Variants in ADAM11 observed in about 807,000 individuals in gnomAD.
ADAM11 encodes the protein ADAM metallopeptidase domain 11.
Under a neutral mutation model 119.1 loss-of-function variants are expected in ADAM11, and 49 were observed. The ratio of observed to expected loss-of-function variants is 0.41; its 90% confidence interval spans 0.33 to 0.52. ADAM11 has a LOEUF of 0.52. ADAM11 is among the 20% of genes least tolerant of loss of function. The pLI is 0.20. For synonymous variants in ADAM11, 364 were observed against 408.0 expected (o/e 0.89, Z 1.30); for missense variants, 777 against 1,047.5 (o/e 0.74, Z 3.56).
rs1039922664 is a variant in ADAM11, at chr17:44,777,514, A to G, written c.1814A>G (p.Asn605Ser). 2 of 1,614,188 alleles carry G rather than the reference A, an allele frequency of 1.2e-6. No individual in the cohort carries two copies. Among genetic ancestry groups the G allele is most frequent in the Non-Finnish European group, 1.7e-6 (2 of 1,180,034 alleles). ...DVLCGFLLCV[N>S]ISGAPRLGDL... ...CTGTGTGGCTTCCTCCTCTGTGTCA[A>G]CATCTCTGGAGCTCCTCGGCTAGGG... The change falls in exon 22 of 27, where the codon AAC becomes AGC. Residue 605 changes from asparagine to serine, a missense_variant. Coordinates refer to ENST00000200557, the MANE Select transcript of ADAM11 (RefSeq NM_002390.6). This position sits in a 1 kb window ranked among gnomAD's most constrained non-coding sequence, Gnocchi z 5.1.
At chr17:44,779,105 GAC>G in intron 25 of ADAM11, 115 bp from the exon 26 acceptor site, 1 of 1,368,148 alleles carries the variant, frequency 7.3e-7, no homozygotes, top group Non-Finnish European at 9.9e-7. Flanking sequence ...AGGCCCCGGG[GAC>G]CCCGGCCCCG....
Position 44,775,679 on chromosome 17 carries a change from A to G in ADAM11, c.1485+3A>G. The G allele has an allele frequency of 6.3e-7, 1 of 1,577,734 alleles. No individual in the cohort carries two copies. The highest frequency in any genetic ancestry group is 8.6e-7 in the Non-Finnish European group (1 of 1,164,154). ...GGCTCTGCTGTCGCCGCTGCAAGGTAAGCAGGACCGGCCGGGAGGCGGGGC... is the reference window on the plus strand; with the variant it reads ...GGCTCTGCTGTCGCCGCTGCAAGGTGAGCAGGACCGGCCGGGAGGCGGGGC... On this transcript the variant is annotated splice_donor_region_variant and intron_variant, in intron 17 of 26. Coordinates refer to ENST00000200557, the MANE Select transcript of ADAM11 (RefSeq NM_002390.6). The surrounding 1 kb of genome is among the most constrained non-coding windows in gnomAD (Gnocchi z 7.5).
In ADAM11 at chr17:44,779,927, A is replaced by G. The variant is rs1272548485; in HGVS notation, c.*173A>G. ...GGGCTGTGGCCCTGCCCTTGGCACC[A>G]CCAGGGTGGACCAGGCCTGGAGGGC... On this transcript the variant is annotated 3_prime_UTR_variant, in exon 27 of 27. Coordinates refer to ENST00000200557, the MANE Select transcript of ADAM11 (RefSeq NM_002390.6). 14 of 908,572 alleles carry G rather than the reference A, an allele frequency of 1.5e-5. No homozygotes were observed. Among genetic ancestry groups the G allele is most frequent in the Non-Finnish European group, 2.1e-5 (12 of 573,430 alleles). The allele number at this position is 908,572 out of a possible 1,614,324, so 56.3% of individuals were successfully genotyped here. A position where few individuals can be genotyped will look rare whatever the true frequency, so the allele number is the denominator to read the frequency against.
chr17:44,775,512 G>A lies in ADAM11; in HGVS notation c.1392+47G>A. 8 of 1,581,398 alleles carry A rather than the reference G, an allele frequency of 5.1e-6. No individual in the cohort carries two copies. Among genetic ancestry groups the A allele is most frequent in the Non-Finnish European group, 6.9e-6 (8 of 1,167,380 alleles). On this transcript the variant is annotated intron_variant, in intron 16 of 26. Coordinates refer to ENST00000200557, the MANE Select transcript of ADAM11 (RefSeq NM_002390.6). This position sits in a 1 kb window ranked among gnomAD's most constrained non-coding sequence, Gnocchi z 7.5. ...AGGTGGGGAACCGGGATGCGGGGGT[G>A]GGCACGAGGGAGCGTCTGAGTGGGA...
At chr17:44,769,913 C>T (rs2145219823) in intron 3 of ADAM11, 69 bp from the exon 4 acceptor site, 5 of 1,607,818 alleles carry the variant, frequency 3.1e-6, no homozygotes, top group South Asian at 1.1e-5. Context: ...GGGTCCTGAC[C>T]TGAGGCGAGC....
At position 44,776,600 on chromosome 17, in the gene ADAM11, G is replaced by A. The variant is rs1023380066; in HGVS notation, c.1567-145G>A. 8.4e-6 allele frequency: 9 copies of A among 1,067,478 alleles called. No homozygotes were observed. Among genetic ancestry groups the A allele is most frequent in the Non-Finnish European group, 1.2e-5 (9 of 749,668 alleles). 66.1% of individuals were successfully genotyped at this position (1,067,478 alleles called of 1,614,324 possible). A position where few individuals can be genotyped will look rare whatever the true frequency, so the allele number is the denominator to read the frequency against. On this transcript the variant is annotated intron_variant, in intron 18 of 26. Transcript: ENST00000200557. The surrounding 1 kb of genome is among the most constrained non-coding windows in gnomAD (Gnocchi z 5.2). ...TCCGTGTGGTCTGGGTCCAGAACCA[G>A]ACAGATCGCTTGTCCTAGGCGTGGA...
rs1464486599 is a variant in ADAM11, at chr17:44,776,297, C to T, written c.1566+90C>T. 2.2e-6 allele frequency: 3 copies of T among 1,376,272 alleles called. No individual in the cohort carries two copies. Among genetic ancestry groups the T allele is most frequent in the African/African-American group, 1.4e-5 (1 of 70,214 alleles). 85.3% of individuals were successfully genotyped at this position (1,376,272 alleles called of 1,614,324 possible). A position where few individuals can be genotyped will look rare whatever the true frequency, so the allele number is the denominator to read the frequency against. On this transcript the variant is annotated intron_variant, in intron 18 of 26. Coordinates refer to ENST00000200557, the MANE Select transcript of ADAM11 (RefSeq NM_002390.6). The surrounding 1 kb of genome is among the most constrained non-coding windows in gnomAD (Gnocchi z 5.2). ...TTTTCCCGGACGAGTGCTCAGCACT[C>T]CCCTCCTCTCCACAGCTGGCATCGA...
intron 2 of ADAM11, among the ~76,000 whole-genome samples, chr17:44,768,326 G>A (rs17683047): frequency 0.42 from 63,697 of 152,012 alleles, 14,672 homozygotes; most frequent in East Asian, 0.72. Flanking sequence ...GGTCAGCCTG[G>A]AATAGGGTGA....
intron 2 of ADAM11, among the ~76,000 whole-genome samples, chr17:44,761,679 G>A (rs139871965): frequency 6.6e-6 from 1 of 152,232 alleles, no homozygotes; most frequent in East Asian, 1.9e-4. Flanking sequence ...CCTCCTCAAG[G>A]GACTTGTTTG....
At chr17:44,769,933 G>A (rs775057530) in intron 3 of ADAM11, 49 bp from the exon 4 acceptor site, 9 of 1,611,608 alleles carry the variant, frequency 5.6e-6, no homozygotes, top group South Asian at 4.4e-5. Context: ...CCTCAAGCCC[G>A]ACCTCACCTC....
rs966765067 is a variant in ADAM11 at position 44,773,006 on chromosome 17, T to A, written c.754-8T>A. 6.2e-7 allele frequency: 1 copy of A among 1,613,828 alleles called. No individual in the cohort carries two copies. The highest frequency in any genetic ancestry group is 8.5e-7 in the Non-Finnish European group (1 of 1,179,968). On this transcript the variant is annotated splice_region_variant and splice_polypyrimidine_tract_variant and intron_variant, in intron 9 of 26. Transcript: ENST00000200557. The surrounding 1 kb of genome is among the most constrained non-coding windows in gnomAD (Gnocchi z 4.6). ...GCCTGGCCCTCCTCCCATTCTTCTCTCTCCCAGTTCGAGCAGATGCGACAG... is the reference window on the plus strand; with the variant it reads ...GCCTGGCCCTCCTCCCATTCTTCTCACTCCCAGTTCGAGCAGATGCGACAG...
In ADAM11 at chr17:44,777,946, C is replaced by T. The variant is rs770504810; in HGVS notation, c.2071-6C>T. 2.0e-5 allele frequency: 32 copies of T among 1,613,856 alleles called. No individual in the cohort carries two copies. Among genetic ancestry groups the T allele is most frequent in the Non-Finnish European group, 2.4e-5 (28 of 1,179,950 alleles). ...CTCACCTCTCCTGGCCCTGCCCTGC[C>T]TCTAGGTCTGCAGCAATGAAGGGAA... On this transcript the variant is annotated splice_polypyrimidine_tract_variant and splice_region_variant and intron_variant, in intron 23 of 26. Coordinates refer to ENST00000200557, the MANE Select transcript of ADAM11 (RefSeq NM_002390.6). The surrounding 1 kb of genome is among the most constrained non-coding windows in gnomAD (Gnocchi z 5.1).
At chr17:44,779,592 G>A in intron 26 of ADAM11, 147 bp from the exon 27 acceptor site, 1 of 1,479,058 alleles carries the variant, frequency 6.8e-7, no homozygotes, top group Non-Finnish European at 8.9e-7. Context: ...TATCACCACT[G>A]TCTGACCTCC....
chr17:44,760,842 A>G (rs1430373703), intron 2 of ADAM11, among the ~76,000 whole-genome samples: 1 of 151,996 alleles, frequency 6.6e-6, no homozygotes, highest in Non-Finnish European at 1.5e-5. Flanking sequence ...GGCCCTGCCT[A>G]ATGTACTTGG....
chr17:44,759,274 G>A lies in ADAM11; in HGVS notation c.61+14G>A. The A allele has an allele frequency of 7.2e-7, 1 of 1,380,098 alleles. No individual in the cohort carries two copies. The highest frequency in any genetic ancestry group is 1.6e-5 in the South Asian group (1 of 63,280). The allele number at this position is 1,380,098 out of a possible 1,614,324, so 85.5% of individuals were successfully genotyped here. The stretch of plus-strand genomic sequence containing the variant: ...TCCCCACGCCCGGTGAGTGACCCCC[G>A]CCCGGCCCCGGCGCCCCCTCCCTGC... On this transcript the variant is annotated intron_variant, in intron 1 of 26. Transcript: ENST00000200557.
At chr17:44,771,949 G>A in intron 6 of ADAM11, 118 bp downstream of exon 6, 1 of 1,196,268 alleles carries the variant, frequency 8.4e-7, no homozygotes, top group Non-Finnish European at 1.2e-6. Context: ...CAGCCTCACT[G>A]CCCTCTTCAG....
intron 2 of ADAM11, among the ~76,000 whole-genome samples, chr17:44,769,173 C>T (rs187150374): frequency 2.4e-4 from 37 of 152,358 alleles, no homozygotes; most frequent in Admixed American, 2.3e-3. Context: ...ATGGCACCTG[C>T]CCGTCGCCCA....
intron 2 of ADAM11, 114 bp downstream of exon 2, chr17:44,760,011 T>G: frequency 9.4e-7 from 1 of 1,065,962 alleles, no homozygotes; most frequent in Non-Finnish European, 1.2e-6. Context: ...CAGGGTCCCC[T>G]TCTGTACAGT....
chr17:44,759,229 G>C lies in ADAM11; in HGVS notation c.30G>C (p.Ala10=). The C allele has an allele frequency of 2.8e-6, 4 of 1,438,622 alleles. No individual in the cohort carries two copies. Among genetic ancestry groups the C allele is most frequent in the South Asian group, 1.4e-5 (1 of 73,440 alleles). 89.1% of individuals were successfully genotyped at this position (1,438,622 alleles called of 1,614,324 possible). A position where few individuals can be genotyped will look rare whatever the true frequency, so the allele number is the denominator to read the frequency against. The stretch of plus-strand genomic sequence containing the variant: ...GGCTGCTGCGGCGCTGGGCGTTCGC[G>C]GCTCTGCTGCTGTCGCTGCTCCCCA... MRLLRRWAF[A]ALLLSLLPTP... is the part of the protein sequence containing the mutation. The change falls in exon 1 of 27, where the codon GCG becomes GCC. Residue 10 remains alanine, a synonymous_variant. Coordinates refer to ENST00000200557, the MANE Select transcript of ADAM11 (RefSeq NM_002390.6).
Sources: allele counts gnomAD v4.1 joint callset (sites outside exome capture counted in the v4.1 genomes callset), GRCh38; gene constraint gnomAD v4.1.1; non-coding constraint Gnocchi (gnomAD v3.1); transcripts MANE v1.5; gene names NCBI Gene and HGNC (gene_info 2026-07-23, HGNC 2026-07-21).